The following CNTLN variants were observed in gnomAD, a reference collection of about 807,000 sequenced individuals.
CNTLN encodes the protein centlein, also known as centlein, centrosomal protein.
In CNTLN, 212 loss-of-function variants were observed where a neutral mutation model predicts 180.0. That is an observed-to-expected ratio of 1.18 (90% CI 1.05 to 1.32). The LOEUF (loss-of-function observed/expected upper bound fraction) is 1.32, where lower values mean the gene tolerates loss of function less well. CNTLN is among the 40% of genes most tolerant of loss of function. The pLI is 0.00. For synonymous variants in CNTLN, 722 were observed against 563.1 expected (o/e 1.28, Z -3.99); for missense variants, 2,095 against 1,610.9 (o/e 1.30, Z -5.14).
At chr9:17,328,467 C>T (rs1820443348) in intron 8 of CNTLN, among the ~76,000 whole-genome samples, 2 of 152,150 alleles carry the variant, frequency 1.3e-5, no homozygotes, top group African/African-American at 4.8e-5. Context: ...GGCAACTGCC[C>T]TGAATTCCCT....
chr9:17,512,924 G>C, the CNTLN span, among the ~76,000 whole-genome samples: 3 of 152,058 alleles, frequency 2.0e-5, no homozygotes, highest in South Asian at 2.1e-4. Flanking sequence ...TCACGCCATT[G>C]TCCTGCCTCA....
intron 8 of CNTLN, among the ~76,000 whole-genome samples, chr9:17,318,837 A>T (rs1819709068): frequency 1.4e-5 from 2 of 146,572 alleles, no homozygotes; most frequent in South Asian, 4.5e-4. Context: ...TCCATCCTTT[A>T]TTCCATCCAT....
intron 7 of CNTLN, among the ~76,000 whole-genome samples, chr9:17,307,185 A>G: frequency 6.6e-6 from 1 of 152,222 alleles, no homozygotes; most frequent in Admixed American, 6.5e-5. Context: ...TCATATAGGC[A>G]ATACTTTCTT....
rs569261127 is a variant in CNTLN at position 17,317,680 on chromosome 9, G to C, written c.1341+8428G>C. 1.8e-4 allele frequency among the ~76,000 whole-genome samples: 27 copies of C among 152,238 alleles called. No homozygotes were observed. The East Asian group carries it at 5.0e-3, about 28-fold the overall frequency. On this transcript the variant is annotated intron_variant, in intron 8 of 25. Transcript: ENST00000380647. ...GTGGCAGAAGAAATCATTCTGATTA[G>C]GTGACATTAGAAAAGAAATATAGAA...
At chr9:17,501,082 T>C (rs952685181) in intron 25 of CNTLN, among the ~76,000 whole-genome samples, 1 of 152,138 alleles carries the variant, frequency 6.6e-6, no homozygotes, top group African/African-American at 2.4e-5. Flanking sequence ...GCAATATGAG[T>C]GTGTTTGATG....
intron 18 of CNTLN, among the ~76,000 whole-genome samples, chr9:17,427,368 T>C (rs1036323659): frequency 6.6e-6 from 1 of 151,998 alleles, no homozygotes; most frequent in Non-Finnish European, 1.5e-5. Context: ...CAGAGGGTTT[T>C]CAGGTTATAT....
chr9:17,518,065 C>T, the CNTLN span, among the ~76,000 whole-genome samples: 11 of 51,010 alleles, frequency 2.2e-4, no homozygotes, highest in African/African-American at 5.6e-4. Context: ...TTTTTTGAGA[C>T]GGAGTCTTGC....
At chr9:17,486,155 CA>C (rs1564145437) in intron 24 of CNTLN, among the ~76,000 whole-genome samples, 1 of 152,098 alleles carries the variant, frequency 6.6e-6, no homozygotes, top group South Asian at 2.1e-4. Context: ...TGTCATCTTC[CA>C]GAGGTCCAAG....
rs1014469844 is a variant in CNTLN at position 17,503,769 on chromosome 9, C to T, written c.*1117C>T. ...TTATAGCCTGCAGGGCGAATCTGGC[C>T]TGCCACCTGTTTTGTATGGCCCACA... On this transcript the variant is annotated 3_prime_UTR_variant, in exon 26 of 26. Transcript: ENST00000380647. The T allele has an allele frequency of 2.0e-5, 3 of 152,626 alleles. No individual in the cohort carries two copies. The highest frequency in any genetic ancestry group is 7.2e-5 in the African/African-American group (3 of 41,446). The allele number at this position is 152,626 out of a possible 1,614,324, so 9.5% of individuals were successfully genotyped here. A position where few individuals can be genotyped will look rare whatever the true frequency, so the allele number is the denominator to read the frequency against.
At chr9:17,213,940 A>G (rs1215565786) in intron 2 of CNTLN, among the ~76,000 whole-genome samples, 6 of 151,992 alleles carry the variant, frequency 3.9e-5, no homozygotes, top group Admixed American at 3.3e-4. Flanking sequence ...TTTTGAGCGT[A>G]TGTGTGTCTT....
intron 12 of CNTLN, among the ~76,000 whole-genome samples, chr9:17,362,819 A>G (rs977511806): frequency 6.6e-6 from 1 of 152,040 alleles, no homozygotes; most frequent in Admixed American, 6.6e-5. Context: ...TACACGTGCC[A>G]TGGTGGTTTG....
intron 2 of CNTLN, among the ~76,000 whole-genome samples, chr9:17,197,526 G>A (rs1587102682): frequency 6.6e-6 from 1 of 152,242 alleles, no homozygotes; most frequent in East Asian, 1.9e-4. Context: ...TTTGCCGTTA[G>A]TATGTCTTCT....
At chr9:17,139,048 G>T (rs1817908969) in intron 1 of CNTLN, among the ~76,000 whole-genome samples, 2 of 151,636 alleles carry the variant, frequency 1.3e-5, no homozygotes, top group African/African-American at 2.4e-5. Context: ...ATTTGATTCT[G>T]TTTGGAAGTT....
intron 18 of CNTLN, among the ~76,000 whole-genome samples, chr9:17,453,869 G>A (rs991837954): frequency 6.6e-6 from 1 of 152,188 alleles, no homozygotes; most frequent in African/African-American, 2.4e-5. Context: ...TGATCTCAGA[G>A]AATGCCTCTG....
At chr9:17,510,049 G>A in the CNTLN span, among the ~76,000 whole-genome samples, 2 of 152,120 alleles carry the variant, frequency 1.3e-5, no homozygotes, top group Non-Finnish European at 2.9e-5. Flanking sequence ...TGGAATACAG[G>A]TGATCCTTTA....
chr9:17,301,538 G>A, intron 7 of CNTLN: 1 of 984,878 alleles, frequency 1.0e-6, no homozygotes. Flanking sequence ...GTTTCTCAGA[G>A]ATTACCTTGG....
intron 15 of CNTLN, among the ~76,000 whole-genome samples, chr9:17,396,166 C>T (rs891320896): frequency 1.3e-5 from 2 of 152,142 alleles, no homozygotes; most frequent in South Asian, 2.1e-4. Flanking sequence ...TTTAGCATAT[C>T]GTCAAGAAAT....
intron 15 of CNTLN, among the ~76,000 whole-genome samples, chr9:17,406,437 T>C (rs1197645261): frequency 6.6e-6 from 1 of 151,798 alleles, no homozygotes; most frequent in African/African-American, 2.4e-5. Flanking sequence ...TTAGGGATTT[T>C]AGTTTGATGT....
At chr9:17,420,020 T>C (rs1828584927) in intron 18 of CNTLN, among the ~76,000 whole-genome samples, 1 of 152,122 alleles carries the variant, frequency 6.6e-6, no homozygotes, top group Non-Finnish European at 1.5e-5. Context: ...GTTCAAGCAA[T>C]TCTTCTGGCT....
Sources: gnomAD v4.1 joint callset for allele counts (sites outside exome capture counted in the v4.1 genomes callset) on GRCh38, gnomAD v4.1.1 for gene constraint, MANE v1.5 for transcripts, NCBI Gene and HGNC (gene_info 2026-07-23, HGNC 2026-07-21) for gene names.